LZTS1: variants seen among roughly 807,000 people sequenced by gnomAD.
LZTS1 encodes the protein leucine zipper putative tumor suppressor 1.
Under a neutral mutation model 45.8 loss-of-function variants are expected in LZTS1, and 31 were observed. That is an observed-to-expected ratio of 0.68 (90% CI 0.51 to 0.91). The LOEUF (loss-of-function observed/expected upper bound fraction) is 0.91, where lower values mean the gene tolerates loss of function less well. Among genes scored for constraint, LZTS1 ranks in the 40% least tolerant of loss-of-function variants. The pLI is 0.00. For synonymous variants in LZTS1, 359 were observed against 357.3 expected (o/e 1.00, Z -0.05); for missense variants, 821 against 788.9 (o/e 1.04, Z -0.49).
intron 3 of LZTS1, 49 bp downstream of exon 3, chr8:20,252,733 G>T: frequency 6.8e-7 from 1 of 1,461,210 alleles, no homozygotes; most frequent in South Asian, 1.5e-5. Context: ...GGGGGGTACT[G>T]GCGCCAAACC....
chr8:20,249,818 C>T lies in LZTS1; in HGVS notation c.1695G>A (p.Gln565=), dbSNP rs1799835825. 1.2e-6 allele frequency: 2 copies of T among 1,614,078 alleles called. No homozygotes were observed. The highest frequency in any genetic ancestry group is 2.2e-5 in the East Asian group (1 of 44,892). Residue 565 remains glutamine (Q), a synonymous_variant, in exon 4 of 4, where the codon CAG becomes CAA. Transcript: ENST00000381569. ...QRNQRLEKAL[Q]QLARGDSAGE... Reference sequence around the variant, plus strand: ...CGGCGCTGTCCCCACGTGCCAGCTGCTGCAGGGCCTTCTCCAGGCGCTGGT... The same window carrying T: ...CGGCGCTGTCCCCACGTGCCAGCTGTTGCAGGGCCTTCTCCAGGCGCTGGT...
At chr8:20,295,837 G>C (rs1159350836) in intron 1 of LZTS1, among the ~76,000 whole-genome samples, 1 of 152,038 alleles carries the variant, frequency 6.6e-6, no homozygotes, top group African/African-American at 2.4e-5. Flanking sequence ...ACTGAGCCAG[G>C]ACCCACTCAC....
At chr8:20,267,128 G>GA (rs71222141) in intron 1 of LZTS1, among the ~76,000 whole-genome samples, 13,477 of 146,382 alleles carry the variant, frequency 0.092, 804 homozygotes, top group East Asian at 0.23. Flanking sequence ...AAAAAGAAAA[G>GA]AAAAAAAAAG....
At chr8:20,297,188 A>C (rs1800991635) in intron 1 of LZTS1, among the ~76,000 whole-genome samples, 1 of 152,186 alleles carries the variant, frequency 6.6e-6, no homozygotes, top group African/African-American at 2.4e-5. Context: ...ACAAGGTGGA[A>C]ACACTGAAAT....
At chr8:20,291,314 C>T (rs1800897800) in intron 1 of LZTS1, among the ~76,000 whole-genome samples, 1 of 152,146 alleles carries the variant, frequency 6.6e-6, no homozygotes, top group Non-Finnish European at 1.5e-5. Context: ...GTTGTCCCTC[C>T]CTGACCCCCT....
chr8:20,263,499 T>C (rs569864425), intron 1 of LZTS1, among the ~76,000 whole-genome samples: 4 of 152,330 alleles, frequency 2.6e-5, no homozygotes, highest in Admixed American at 1.3e-4. Flanking sequence ...CATCCTGCTC[T>C]GGAGGATAGA....
chr8:20,258,944 G>A (rs1028551231), intron 1 of LZTS1, among the ~76,000 whole-genome samples: 6 of 152,110 alleles, frequency 3.9e-5, no homozygotes, highest in Non-Finnish European at 7.3e-5. Flanking sequence ...ACTTGACACT[G>A]ACAAAATGTG....
At chr8:20,273,859 C>T (rs189958820) in intron 1 of LZTS1, among the ~76,000 whole-genome samples, 52 of 152,234 alleles carry the variant, frequency 3.4e-4, no homozygotes, top group Admixed American at 3.4e-3. Context: ...GCAGAGAAGG[C>T]CTTCATGACT....
chr8:20,256,872 G>A (rs1800116061), intron 1 of LZTS1, among the ~76,000 whole-genome samples: 1 of 152,176 alleles, frequency 6.6e-6, no homozygotes, highest in South Asian at 2.1e-4. Flanking sequence ...TATGAGACTA[G>A]ATGGGGTCAC....
At chr8:20,293,882 C>T (rs562669739) in intron 1 of LZTS1, among the ~76,000 whole-genome samples, 2 of 152,150 alleles carry the variant, frequency 1.3e-5, no homozygotes, top group Non-Finnish European at 2.9e-5. Flanking sequence ...GGGATTGCAC[C>T]ACTGCACTCC....
intron 2 of LZTS1, among the ~76,000 whole-genome samples, chr8:20,254,522 C>T (rs533470230): frequency 1.4e-4 from 22 of 152,332 alleles, no homozygotes; most frequent in African/African-American, 4.3e-4. Flanking sequence ...GCTTGGCAAA[C>T]GCCTGGATCC....
At chr8:20,296,094 G>A (rs1048058355) in intron 1 of LZTS1, among the ~76,000 whole-genome samples, 3 of 152,194 alleles carry the variant, frequency 2.0e-5, no homozygotes, top group Non-Finnish European at 4.4e-5. Context: ...AGCAAGTTGA[G>A]ACCAATTTAG....
chr8:20,260,362 G>C (rs1800201025), intron 1 of LZTS1, among the ~76,000 whole-genome samples: 1 of 152,172 alleles, frequency 6.6e-6, no homozygotes, highest in South Asian at 2.1e-4. Flanking sequence ...AAAGGTTTTT[G>C]TATCTAGAGC....
At chr8:20,274,524 G>GAAT (rs1233278700) in intron 1 of LZTS1, among the ~76,000 whole-genome samples, 1 of 152,170 alleles carries the variant, frequency 6.6e-6, no homozygotes, top group African/African-American at 2.4e-5. Flanking sequence ...CCTGAGCATT[G>GAAT]GGTCCGAGCC....
At chr8:20,274,722 C>G (rs575915533) in intron 1 of LZTS1, among the ~76,000 whole-genome samples, 3 of 152,246 alleles carry the variant, frequency 2.0e-5, no homozygotes, top group Non-Finnish European at 2.9e-5. Flanking sequence ...GCACAACCAA[C>G]TGTCCTGATC....
chr8:20,266,547 G>A (rs991060753), intron 1 of LZTS1, among the ~76,000 whole-genome samples: 3 of 151,808 alleles, frequency 2.0e-5, no homozygotes, highest in African/African-American at 7.3e-5. Flanking sequence ...CCTGGGGGAA[G>A]TGCATCCACC....
At chr8:20,300,774 T>C (rs1801062167) in intron 1 of LZTS1, among the ~76,000 whole-genome samples, 1 of 151,942 alleles carries the variant, frequency 6.6e-6, no homozygotes, top group African/African-American at 2.4e-5. Context: ...TGACTCAGAA[T>C]TGAGGAAAAA....
intron 1 of LZTS1, among the ~76,000 whole-genome samples, chr8:20,280,538 G>A (rs1393028656): frequency 6.6e-6 from 1 of 152,146 alleles, no homozygotes; most frequent in African/African-American, 2.4e-5. Context: ...CAGACCCCAT[G>A]TCCCATTAGC....
chr8:20,261,776 G>T (rs113364702), intron 1 of LZTS1, among the ~76,000 whole-genome samples: 13 of 152,358 alleles, frequency 8.5e-5, no homozygotes, highest in African/African-American at 3.1e-4. Context: ...CAAGTCCCGG[G>T]TTCTGGCTGG....
Sources: gnomAD v4.1 joint callset for allele counts (sites outside exome capture counted in the v4.1 genomes callset) on GRCh38, gnomAD v4.1.1 for gene constraint, MANE v1.5 for transcripts, NCBI Gene and HGNC (gene_info 2026-07-23, HGNC 2026-07-21) for gene names.